MAN1C1: variants seen among roughly 807,000 people sequenced by gnomAD.
The protein encoded by MAN1C1 is mannosidase alpha class 1C member 1, also known as mannosyl-oligosaccharide 1,2-alpha-mannosidase IC.
In MAN1C1, 49 loss-of-function variants were observed where a neutral mutation model predicts 71.5. The observed-to-expected ratio is 0.69, with a 90% CI of 0.54 to 0.87. MAN1C1 has a LOEUF of 0.87. MAN1C1 is among the 40% of genes least tolerant of loss of function. The pLI, the probability that MAN1C1 is intolerant of heterozygous loss-of-function variation, is 0.00. For missense variants in MAN1C1, 743 were observed against 835.0 expected (o/e 0.89, Z 1.36); for synonymous variants, 352 against 343.7 (o/e 1.02, Z -0.27).
At position 25,782,376 on chromosome 1, in the gene MAN1C1, G is replaced by A. The variant is rs940785308; in HGVS notation, c.1651-209G>A. Among the ~76,000 whole-genome samples the A allele has an allele frequency of 6.6e-6, 1 of 151,550 alleles. No homozygotes were observed. The highest frequency in any genetic ancestry group is 1.5e-5 in the Non-Finnish European group (1 of 67,866). On this transcript the variant is annotated intron_variant, in intron 10 of 11. Transcript: ENST00000374332. This position sits in a 1 kb window ranked among gnomAD's most constrained non-coding sequence, Gnocchi z 4.4. ...GCTCTCAGAGGTGTGGGTGGAAGGA[G>A]TGTGGCCCCTCCAGCCTGGGGACAG...
intron 1 of MAN1C1, among the ~76,000 whole-genome samples, chr1:25,622,249 A>G (rs2045226450): frequency 6.6e-6 from 1 of 152,144 alleles, no homozygotes; most frequent in Non-Finnish European, 1.5e-5. Flanking sequence ...GTCAAGTCCT[A>G]GCTGTTCCAT....
chr1:25,658,359 A>G (rs2124092076), intron 1 of MAN1C1, among the ~76,000 whole-genome samples: 1 of 152,292 alleles, frequency 6.6e-6, no homozygotes, highest in Middle Eastern at 3.4e-3. Flanking sequence ...AAGGGCTAGC[A>G]TGAGTGGGAG....
rs115841161 is a variant in MAN1C1 at position 25,753,187 on chromosome 1, A to G, written c.835-297A>G. ...CAATAAGCAGCATCCAGCCTTTGCCACCAGAGTCCTGACACTGTGGTAGAT... is the reference window on the plus strand; with the variant it reads ...CAATAAGCAGCATCCAGCCTTTGCCGCCAGAGTCCTGACACTGTGGTAGAT... On this transcript the variant is annotated intron_variant, in intron 4 of 11. Transcript: ENST00000374332. The surrounding 1 kb of genome is among the most constrained non-coding windows in gnomAD (Gnocchi z 4.9). 3.9e-3 allele frequency among the ~76,000 whole-genome samples: 589 copies of G among 151,716 alleles called. 5 individuals carry two copies. The highest frequency in any genetic ancestry group is 0.014 in the African/African-American group (573 of 41,286).
chr1:25,749,395 C>G, intron 4 of MAN1C1, 60 bp downstream of exon 4: 1 of 1,369,034 alleles, frequency 7.3e-7, no homozygotes, highest in Non-Finnish European at 1.0e-6. Flanking sequence ...TGGAGAATAT[C>G]CAGTCCTTCC....
chr1:25,624,195 C>T (rs1457634721), intron 1 of MAN1C1, among the ~76,000 whole-genome samples: 1 of 152,222 alleles, frequency 6.6e-6, no homozygotes, highest in Non-Finnish European at 1.5e-5. Context: ...ACTCAAGGAA[C>T]TTAGGCCCCT....
intron 2 of MAN1C1, among the ~76,000 whole-genome samples, chr1:25,718,802 T>C (rs2046719304): frequency 6.6e-6 from 1 of 152,220 alleles, no homozygotes; most frequent in African/African-American, 2.4e-5. Flanking sequence ...ATTATAAATC[T>C]ACCACATCTT....
rs545030367 is a variant in MAN1C1 at position 25,769,396 on chromosome 1, C to T, written c.1142-2261C>T. Among the ~76,000 whole-genome samples the T allele has an allele frequency of 8.6e-5, 13 of 151,934 alleles. No individual in the cohort carries two copies. The highest frequency in any genetic ancestry group is 3.1e-4 in the African/African-American group (13 of 41,350). ...CCCACACCCCATACATACATACACACACACACACACACAAGCTGTAAAGCA... is the reference window on the plus strand; with the variant it reads ...CCCACACCCCATACATACATACACATACACACACACACAAGCTGTAAAGCA... On this transcript the variant is annotated intron_variant, in intron 7 of 11. Transcript: ENST00000374332. The surrounding 1 kb of genome is among the most constrained non-coding windows in gnomAD (Gnocchi z 4.8).
chr1:25,755,104 G>A (rs1477297486), intron 5 of MAN1C1, among the ~76,000 whole-genome samples: 2 of 152,172 alleles, frequency 1.3e-5, no homozygotes, highest in Admixed American at 1.3e-4. Context: ...GGGGAAGAAC[G>A]TGGGCCCTTC....
intron 2 of MAN1C1, among the ~76,000 whole-genome samples, chr1:25,715,330 G>T (rs749295232): frequency 1.2e-4 from 19 of 152,142 alleles, no homozygotes; most frequent in African/African-American, 3.6e-4. Context: ...GGTCAAGGCA[G>T]TTCTACCTCA....
chr1:25,714,877 A>C (rs1166449793), intron 2 of MAN1C1, among the ~76,000 whole-genome samples: 1 of 152,184 alleles, frequency 6.6e-6, no homozygotes, highest in Non-Finnish European at 1.5e-5. Context: ...TTTAAGGGTG[A>C]CATTGACCCT....
At chr1:25,695,473 G>A (rs1343212171) in intron 2 of MAN1C1, among the ~76,000 whole-genome samples, 4 of 152,102 alleles carry the variant, frequency 2.6e-5, no homozygotes, top group African/African-American at 9.7e-5. Flanking sequence ...GTGGCCTTGA[G>A]TGACATGTGC....
intron 2 of MAN1C1, among the ~76,000 whole-genome samples, chr1:25,714,015 T>C (rs920913199): frequency 6.6e-6 from 1 of 152,210 alleles, no homozygotes; most frequent in Non-Finnish European, 1.5e-5. Context: ...GAAAAAAATG[T>C]TGGTGGCTTT....
Position 25,690,804 on chromosome 1 carries a change from G to C in MAN1C1, c.637+4268G>C, listed in dbSNP as rs372046432. On this transcript the variant is annotated intron_variant, in intron 2 of 11. Coordinates refer to ENST00000374332, the MANE Select transcript of MAN1C1 (RefSeq NM_020379.4). ...CTGCAAAGGCTTAGCCCCGTGCCAG[G>C]CACAGAGCAGGCACTTGATCGGGGG... Among the ~76,000 whole-genome samples the C allele has an allele frequency of 2.6e-5, 4 of 152,352 alleles. No homozygotes were observed. The South Asian group carries it at 8.3e-4, about 32-fold the overall frequency.
intron 2 of MAN1C1, among the ~76,000 whole-genome samples, chr1:25,726,072 A>C (rs1351037556): frequency 6.6e-6 from 1 of 152,178 alleles, no homozygotes; most frequent in East Asian, 1.9e-4. Context: ...CTCTCTTAAC[A>C]CTGCTCCGAC....
intron 2 of MAN1C1, among the ~76,000 whole-genome samples, chr1:25,698,039 T>G (rs1250696211): frequency 2.0e-5 from 3 of 152,222 alleles, no homozygotes; most frequent in Admixed American, 1.3e-4. Context: ...CTGCTCTTCC[T>G]GCCTTCACTT....
In MAN1C1 at chr1:25,771,638, G is replaced by C. The variant is rs1415006766; in HGVS notation, c.1142-19G>C. 3 of 1,584,922 alleles carry C rather than the reference G, an allele frequency of 1.9e-6. No individual in the cohort carries two copies. Among genetic ancestry groups the C allele is most frequent in the South Asian group, 2.2e-5 (2 of 90,458 alleles). On this transcript the variant is annotated intron_variant, in intron 7 of 11. Coordinates refer to ENST00000374332, the MANE Select transcript of MAN1C1 (RefSeq NM_020379.4). ...GGCGGCAGATGGAGATAATGTTCTT[G>C]TCCTCTTTCCCTTCACAGACCATGT... is the stretch of plus-strand genomic sequence containing the variant.
At chr1:25,624,605 C>T (rs1385903430) in intron 1 of MAN1C1, among the ~76,000 whole-genome samples, 1 of 152,172 alleles carries the variant, frequency 6.6e-6, no homozygotes. Flanking sequence ...TTGATTAGTG[C>T]CCGCCTTGAT....
intron 4 of MAN1C1, among the ~76,000 whole-genome samples, chr1:25,752,653 G>A (rs567854464): frequency 6.6e-6 from 1 of 152,308 alleles, no homozygotes; most frequent in African/African-American, 2.4e-5. Flanking sequence ...GGCAGGAAAC[G>A]GCTGGGTCAG....
At chr1:25,623,214 A>G (rs996930624) in intron 1 of MAN1C1, among the ~76,000 whole-genome samples, 30 of 152,278 alleles carry the variant, frequency 2.0e-4, no homozygotes, top group African/African-American at 6.7e-4. Flanking sequence ...CGTAGGACCA[A>G]GTGTGCAGTT....
Sources: allele counts gnomAD v4.1 joint callset (sites outside exome capture counted in the v4.1 genomes callset), GRCh38; gene constraint gnomAD v4.1.1; non-coding constraint Gnocchi (gnomAD v3.1); transcripts MANE v1.5; gene names NCBI Gene and HGNC (gene_info 2026-07-23, HGNC 2026-07-21).